Variants in PDE7B observed in about 807,000 individuals in gnomAD.
PDE7B encodes the protein 3',5'-cyclic-AMP phosphodiesterase 7B.
In PDE7B, 29 loss-of-function variants were observed where a neutral mutation model predicts 56.2. The ratio of observed to expected loss-of-function variants is 0.52; its 90% CI spans 0.38 to 0.70. The LOEUF (loss-of-function observed/expected upper bound fraction) is 0.70, where lower values mean the gene tolerates loss of function less well. Ranked by LOEUF, PDE7B falls within the 30% of genes least tolerant of loss-of-function variation. The pLI is 0.00. For missense variants in PDE7B, 490 were observed against 565.0 expected (o/e 0.87, Z 1.35); for synonymous variants, 197 against 196.9 (o/e 1.00, Z 0.00).
intron 2 of PDE7B, among the ~76,000 whole-genome samples, chr6:135,963,211 T>G (rs1188478551): frequency 6.6e-6 from 1 of 152,300 alleles, no homozygotes; most frequent in East Asian, 1.9e-4. Flanking sequence ...ATGTTATCAA[T>G]ACATGTTTCA....
At chr6:136,155,553 T>C in intron 7 of PDE7B, 74 bp from the exon 8 acceptor site, 1 of 1,313,348 alleles carries the variant, frequency 7.6e-7, no homozygotes, top group South Asian at 1.3e-5. Flanking sequence ...TCATTGTGTT[T>C]GATTTAGCCA....
At chr6:135,972,970 A>T (rs1775119111) in intron 2 of PDE7B, among the ~76,000 whole-genome samples, 1 of 152,184 alleles carries the variant, frequency 6.6e-6, no homozygotes, top group Admixed American at 6.5e-5. Context: ...ATTTTACCTC[A>T]TTGTGGTAAG....
At position 136,108,714 on chromosome 6, in the gene PDE7B, G is replaced by A; in HGVS notation, c.83-17G>A. ...GGCAATGTTTTCAAGCCTTTGTTTG[G>A]ATTTTCTGTTTTCTAGGAGATATAC... On this transcript the variant is annotated splice_polypyrimidine_tract_variant and intron_variant, in intron 2 of 12. Transcript: ENST00000308191. The A allele has an allele frequency of 6.4e-7, 1 of 1,559,960 alleles. No homozygotes were observed. The highest frequency in any genetic ancestry group is 8.8e-7 in the Non-Finnish European group (1 of 1,130,800).
intron 3 of PDE7B, chr6:136,111,110 T>C (rs1278009738): frequency 1.3e-5 from 2 of 152,196 alleles, no homozygotes; most frequent in African/African-American, 4.8e-5. Context: ...CTCTGTAACA[T>C]ATTGCAGATG....
At chr6:135,896,683 A>G (rs990258612) in intron 1 of PDE7B, among the ~76,000 whole-genome samples, 2 of 152,162 alleles carry the variant, frequency 1.3e-5, no homozygotes, top group South Asian at 2.1e-4. Flanking sequence ...TAGCCTAAGC[A>G]TGCAAAAAAT....
chr6:135,976,477 A>G (rs1218029178), intron 2 of PDE7B, among the ~76,000 whole-genome samples: 1 of 152,194 alleles, frequency 6.6e-6, no homozygotes, highest in Non-Finnish European at 1.5e-5. Flanking sequence ...TTTACAGGGC[A>G]GAGCGGGAGT....
intron 3 of PDE7B, among the ~76,000 whole-genome samples, chr6:136,110,635 C>T (rs1312505794): frequency 1.3e-5 from 2 of 151,012 alleles, no homozygotes; most frequent in Non-Finnish European, 2.9e-5. Context: ...TAATAAGCAA[C>T]TTTACTGCTA....
At chr6:136,042,115 T>G (rs1776423875) in intron 2 of PDE7B, among the ~76,000 whole-genome samples, 1 of 152,188 alleles carries the variant, frequency 6.6e-6, no homozygotes, top group Non-Finnish European at 1.5e-5. Flanking sequence ...TTCTACTTAT[T>G]CTGTGGGCTT....
intron 11 of PDE7B, 92 bp downstream of exon 11, chr6:136,181,415 C>T: frequency 1.3e-6 from 1 of 797,658 alleles, no homozygotes; most frequent in Admixed American, 1.9e-5. Context: ...TCTATCATGA[C>T]ATTTGTTCTC....
intron 2 of PDE7B, chr6:135,991,842 A>G (rs1421484165): frequency 6.6e-6 from 1 of 152,206 alleles, no homozygotes; most frequent in African/African-American, 2.4e-5. Flanking sequence ...AGTTACCTTC[A>G]ACATGCATGT....
At chr6:136,080,223 T>C (rs1311493084) in intron 2 of PDE7B, among the ~76,000 whole-genome samples, 1 of 152,180 alleles carries the variant, frequency 6.6e-6, no homozygotes, top group East Asian at 1.9e-4. Flanking sequence ...GAAGATAAAC[T>C]TCCAATTTCT....
intron 2 of PDE7B, among the ~76,000 whole-genome samples, chr6:135,966,240 A>C (rs1774995746): frequency 6.6e-6 from 1 of 152,052 alleles, no homozygotes; most frequent in Non-Finnish European, 1.5e-5. Context: ...GCCGTACTTG[A>C]TTTGTCTTTA....
intron 2 of PDE7B, chr6:136,037,300 T>C (rs1322582298): frequency 2.1e-6 from 1 of 477,662 alleles, no homozygotes; most frequent in East Asian, 1.5e-4. Context: ...ATCTTGATGC[T>C]TCCCGAATTC....
intron 2 of PDE7B, among the ~76,000 whole-genome samples, chr6:135,961,173 C>T (rs1326379426): frequency 6.6e-6 from 1 of 151,904 alleles, no homozygotes. Context: ...TTATACATGT[C>T]TTTTTGTGCA....
intron 2 of PDE7B, among the ~76,000 whole-genome samples, chr6:136,046,985 G>A (rs1486352908): frequency 6.6e-6 from 1 of 152,170 alleles, no homozygotes; most frequent in Non-Finnish European, 1.5e-5. Flanking sequence ...GGTGGAAGCA[G>A]AGGATATGCA....
intron 2 of PDE7B, among the ~76,000 whole-genome samples, chr6:135,984,211 G>A (rs572887714): frequency 6.6e-6 from 1 of 152,304 alleles, no homozygotes; most frequent in East Asian, 1.9e-4. Context: ...TAGGAGTGAC[G>A]CATATTGGAG....
At chr6:136,189,173 CTTTTT>C (rs1263419071) in intron 12 of PDE7B, among the ~76,000 whole-genome samples, 5 of 152,130 alleles carry the variant, frequency 3.3e-5, no homozygotes, top group African/African-American at 1.2e-4. Flanking sequence ...TCTGATTTTT[CTTTTT>C]AAGTAATTTA....
At chr6:136,175,320 C>A (rs952420552) in intron 9 of PDE7B, among the ~76,000 whole-genome samples, 3 of 152,074 alleles carry the variant, frequency 2.0e-5, no homozygotes, top group African/African-American at 7.2e-5. Context: ...GCTTTAATGT[C>A]ATTTTTCTGA....
chr6:135,887,466 G>C (rs1775730085), intron 1 of PDE7B, among the ~76,000 whole-genome samples: 1 of 151,994 alleles, frequency 6.6e-6, no homozygotes, highest in Admixed American at 6.6e-5. Context: ...GAATATGAAA[G>C]GATCTGCTTA....
Sources: allele counts gnomAD v4.1 joint callset (sites outside exome capture counted in the v4.1 genomes callset), GRCh38; gene constraint gnomAD v4.1.1; transcripts MANE v1.5; gene names NCBI Gene and HGNC (gene_info 2026-07-23, HGNC 2026-07-21).